FBXO10: variants seen among roughly 807,000 people sequenced by gnomAD.
The protein encoded by FBXO10 is F-box only protein 10.
In FBXO10, 39 loss-of-function variants were observed where a neutral mutation model predicts 80.7. The observed-to-expected ratio is 0.48, with a 90% confidence interval of 0.37 to 0.63. FBXO10 has a LOEUF of 0.63. Ranked by LOEUF, FBXO10 falls within the 30% of genes least tolerant of loss-of-function variation. The probability of loss-of-function intolerance (pLI) is 0.00; values close to 1 mark genes in which losing one functional copy is unlikely to be tolerated. For missense variants in FBXO10, 1,025 were observed against 1,269.0 expected, an observed-to-expected ratio of 0.81 and a Z score of 2.92; for synonymous variants, 449 against 489.6, an observed-to-expected ratio of 0.92 and a Z score of 1.09.
Position 37,512,557 on chromosome 9 carries a change from G to A in FBXO10, c.2861C>T (p.Thr954Ile), listed in dbSNP as rs778066854. The change falls in exon 11 of 11, where the codon ACC (threonine) becomes ATC (isoleucine). Residue 954 changes from threonine to isoleucine, a missense_variant. Physicochemically the swap from Thr to Ile is moderately conservative, Grantham distance 89 (BLOSUM62 -1). Transcript: ENST00000432825. ...GYHSNRSVFCTIL is the reference protein window; with the variant it reads ...GYHSNRSVFCIIL Reference sequence around the variant, plus strand: ...AGCAGGTCTGTGTCCTCACAGGATGGTGCAGAAGACACTGCGGTTGCTGTG... The same window carrying A: ...AGCAGGTCTGTGTCCTCACAGGATGATGCAGAAGACACTGCGGTTGCTGTG... 17 of 1,613,706 alleles carry A rather than the reference G, an allele frequency of 1.1e-5. No individual in the cohort carries two copies. The highest frequency in any genetic ancestry group is 2.2e-5 in the South Asian group (2 of 91,054).
At chr9:37,557,626 A>C (rs1822370809) in intron 1 of FBXO10, among the ~76,000 whole-genome samples, 1 of 152,160 alleles carries the variant, frequency 6.6e-6, no homozygotes, top group Non-Finnish European at 1.5e-5. Flanking sequence ...CACATATTAC[A>C]TTTCATCTAG....
intron 1 of FBXO10, among the ~76,000 whole-genome samples, chr9:37,550,723 C>T (rs1259156970): frequency 6.6e-6 from 1 of 152,186 alleles, no homozygotes; most frequent in Non-Finnish European, 1.5e-5. Context: ...AAGTGATCCA[C>T]CTACCTCGGC....
chr9:37,512,539 C>T lies in FBXO10; in HGVS notation c.*8G>A, dbSNP rs748884567. Reference sequence around the variant, plus strand: ...ATCCAGGCTTGGCCCTGAAGCAGGTCTGTGTCCTCACAGGATGGTGCAGAA... The same window carrying T: ...ATCCAGGCTTGGCCCTGAAGCAGGTTTGTGTCCTCACAGGATGGTGCAGAA... On this transcript the variant is annotated 3_prime_UTR_variant, in exon 11 of 11. Transcript: ENST00000432825. 1 of 1,611,448 alleles carries T rather than the reference C, an allele frequency of 6.2e-7. No homozygotes were observed. The highest frequency in any genetic ancestry group is 1.1e-5 in the South Asian group (1 of 90,858).
chr9:37,532,091 T>C, intron 3 of FBXO10, 33 bp from the exon 4 acceptor site: 1 of 1,595,788 alleles, frequency 6.3e-7, no homozygotes, highest in Non-Finnish European at 8.5e-7. Flanking sequence ...TTTATTTTCC[T>C]GTTACAAATA....
At chr9:37,520,144 G>C (rs1821295673) in intron 8 of FBXO10, among the ~76,000 whole-genome samples, 1 of 151,522 alleles carries the variant, frequency 6.6e-6, no homozygotes, top group Non-Finnish European at 1.5e-5. Flanking sequence ...CCAGGAATCT[G>C]TTCTGAATAA....
At chr9:37,541,825 G>C in intron 1 of FBXO10, 51 bp from the exon 2 acceptor site, 1 of 1,428,920 alleles carries the variant, frequency 7.0e-7, no homozygotes, top group Non-Finnish European at 9.4e-7. Flanking sequence ...CTACTTACCA[G>C]TCCCCCTTTT....
chr9:37,515,847 C>A lies in FBXO10; in HGVS notation c.2696+57G>T. The A allele has an allele frequency of 3.2e-6, 5 of 1,562,028 alleles. No homozygotes were observed. In the South Asian group the frequency reaches 4.7e-5, roughly 15 times the overall value. The stretch of plus-strand genomic sequence containing the variant: ...CAATCCCTGGGTGTGGGCCTGGCTT[C>A]TTCAGGGAGCTTACTGTGGCTCTAG... On this transcript the variant is annotated intron_variant, in intron 10 of 10. Coordinates refer to ENST00000432825, the MANE Select transcript of FBXO10 (RefSeq NM_012166.3).
At chr9:37,568,715 T>C (rs527241923) in intron 1 of FBXO10, among the ~76,000 whole-genome samples, 3 of 151,628 alleles carry the variant, frequency 2.0e-5, no homozygotes, top group Non-Finnish European at 3.0e-5. Context: ...TCGGAGTTCA[T>C]GTGGTCTAAG....
At chr9:37,559,692 G>A (rs976990172) in intron 1 of FBXO10, among the ~76,000 whole-genome samples, 5 of 152,170 alleles carry the variant, frequency 3.3e-5, no homozygotes, top group Admixed American at 1.3e-4. Flanking sequence ...AGAGATGTGC[G>A]TTACTTCTCG....
At chr9:37,522,345 G>A (rs1276892230) in intron 7 of FBXO10, 1 of 1,000,400 alleles carries the variant, frequency 1.0e-6, no homozygotes, top group East Asian at 1.1e-4. Context: ...GAGTAGAGAG[G>A]TGGGCCTGAG....
intron 5 of FBXO10, 28 bp downstream of exon 5, chr9:37,529,096 G>A (rs540764760): frequency 1.2e-6 from 2 of 1,613,474 alleles, no homozygotes; most frequent in East Asian, 2.2e-5. Context: ...GGTTAACAAA[G>A]ATGAAGGAGG....
chr9:37,567,980 C>A (rs574631011), intron 1 of FBXO10, among the ~76,000 whole-genome samples: 119 of 152,228 alleles, frequency 7.8e-4, no homozygotes, highest in East Asian at 3.3e-3. Context: ...CAGTAAGAAT[C>A]CCCCATCCTC....
intron 5 of FBXO10, among the ~76,000 whole-genome samples, chr9:37,525,381 G>C (rs1044976075): frequency 6.6e-6 from 1 of 152,068 alleles, no homozygotes; most frequent in Non-Finnish European, 1.5e-5. Context: ...GTCCACAGGG[G>C]CATAAAAGCA....
chr9:37,516,969 A>C (rs1247994369), intron 9 of FBXO10, among the ~76,000 whole-genome samples: 1 of 150,852 alleles, frequency 6.6e-6, no homozygotes, highest in Non-Finnish European at 1.5e-5. Context: ...TCAAAAAAAA[A>C]AAAAACAAAA....
In FBXO10 at chr9:37,516,094, G is replaced by A. The variant is rs755920332; in HGVS notation, c.2515-9C>T. On this transcript the variant is annotated splice_polypyrimidine_tract_variant and intron_variant, in intron 9 of 10. Transcript: ENST00000432825. The stretch of plus-strand genomic sequence containing the variant: ...ATCCGGTTCTTTATTACCTGGGAGA[G>A]GCAGCCAGAGATTGTCACACCTCAG... 6.2e-7 allele frequency: 1 copy of A among 1,607,498 alleles called. No individual in the cohort carries two copies. The highest frequency in any genetic ancestry group is 1.3e-5 in the African/African-American group (1 of 74,442).
chr9:37,571,176 C>T (rs1822745249), intron 1 of FBXO10, among the ~76,000 whole-genome samples: 1 of 152,116 alleles, frequency 6.6e-6, no homozygotes, highest in Non-Finnish European at 1.5e-5. Flanking sequence ...CAGGTGGCTT[C>T]ATCACCAAGT....
At chr9:37,561,257 G>A (rs1406900259) in intron 1 of FBXO10, among the ~76,000 whole-genome samples, 1 of 148,986 alleles carries the variant, frequency 6.7e-6, no homozygotes, top group Non-Finnish European at 1.5e-5. Context: ...ATAGCTCACT[G>A]CAGCCTCGAA....
At chr9:37,548,060 G>A (rs1442066646) in intron 1 of FBXO10, among the ~76,000 whole-genome samples, 2 of 152,212 alleles carry the variant, frequency 1.3e-5, no homozygotes, top group Non-Finnish European at 2.9e-5. Flanking sequence ...CTTGACTGGT[G>A]TGTTAGTTAT....
chr9:37,554,426 C>A (rs192305452), intron 1 of FBXO10, among the ~76,000 whole-genome samples: 1 of 152,286 alleles, frequency 6.6e-6, no homozygotes, highest in African/African-American at 2.4e-5. Flanking sequence ...ATGCTGAGGA[C>A]TATTTCGTGC....
Sources: allele counts gnomAD v4.1 joint callset (sites outside exome capture counted in the v4.1 genomes callset), GRCh38; gene constraint gnomAD v4.1.1; transcripts MANE v1.5; gene names NCBI Gene and HGNC (gene_info 2026-07-23, HGNC 2026-07-21).